The following GPHN variants were observed in gnomAD, a reference collection of about 807,000 sequenced individuals.
GPHN encodes the protein gephyrin.
A neutral mutation model predicts 95.5 loss-of-function variants in GPHN; 17 were observed. The observed-to-expected ratio is 0.18, with a 90% CI of 0.12 to 0.27. The LOEUF (loss-of-function observed/expected upper bound fraction) is 0.27. Ranked by LOEUF, GPHN falls within the 10% of genes least tolerant of loss-of-function variation. The pLI, the probability that GPHN is intolerant of heterozygous loss-of-function variation, is 1.00. For synonymous variants in GPHN, 320 were observed against 322.5 expected (o/e 0.99, Z 0.08); for missense variants, 660 against 978.1 (o/e 0.67, Z 4.34).
At chr14:67,123,045 C>A (rs2079100504) in intron 17 of GPHN, among the ~76,000 whole-genome samples, 1 of 152,222 alleles carries the variant, frequency 6.6e-6, no homozygotes. Context: ...ACACTGCTGC[C>A]TGGCTGTCTT....
the GPHN span, chr14:67,279,496 G>A: frequency 2.5e-6 from 4 of 1,575,876 alleles, no homozygotes; most frequent in Non-Finnish European, 3.4e-6. Context: ...ACAGAGGAAG[G>A]AATTGTCTTA....
At chr14:66,715,036 A>G (rs749894184) in intron 2 of GPHN, among the ~76,000 whole-genome samples, 1 of 152,166 alleles carries the variant, frequency 6.6e-6, no homozygotes, top group African/African-American at 2.4e-5. Context: ...CTTGTGGAAT[A>G]GTATCAATAG....
the GPHN span, chr14:67,555,959 A>C: frequency 6.4e-7 from 1 of 1,559,746 alleles, no homozygotes. Flanking sequence ...CTTCCCACGG[A>C]CACAGGTGGA....
At chr14:67,033,049 C>A (rs1256088527) in intron 10 of GPHN, among the ~76,000 whole-genome samples, 1 of 151,800 alleles carries the variant, frequency 6.6e-6, no homozygotes, top group African/African-American at 2.4e-5. Context: ...AATGAATGGA[C>A]AAAATGAAGA....
chr14:67,345,993 T>C, the GPHN span: 88 of 667,312 alleles, frequency 1.3e-4, no homozygotes, highest in African/African-American at 1.4e-3. Flanking sequence ...TAATCTTCAT[T>C]GAATGTAAAC....
At chr14:67,075,192 C>G (rs1170668607) in intron 11 of GPHN, among the ~76,000 whole-genome samples, 1 of 152,130 alleles carries the variant, frequency 6.6e-6, no homozygotes, top group Non-Finnish European at 1.5e-5. Context: ...TTCTAAAAAT[C>G]CTAGTAGCTT....
chr14:66,519,418 C>T (rs192816269), intron 1 of GPHN, among the ~76,000 whole-genome samples: 4 of 152,076 alleles, frequency 2.6e-5, no homozygotes. Flanking sequence ...GGACCACTGG[C>T]CCTAACTAAC....
chr14:66,702,446 C>A (rs2068644498), intron 2 of GPHN, among the ~76,000 whole-genome samples: 2 of 152,164 alleles, frequency 1.3e-5, no homozygotes, highest in Admixed American at 1.3e-4. Context: ...AAGGAGCAGG[C>A]ACCCATCTTT....
At chr14:67,566,374 G>A in the GPHN span, among the ~76,000 whole-genome samples, 110 of 152,304 alleles carry the variant, frequency 7.2e-4, 1 homozygote, top group African/African-American at 2.5e-3. Flanking sequence ...GGCAAGGAAT[G>A]TGCAGCTGCT....
At chr14:67,177,775 A>C (rs1433874114) in intron 21 of GPHN, among the ~76,000 whole-genome samples, 2 of 152,132 alleles carry the variant, frequency 1.3e-5, no homozygotes, top group Admixed American at 6.5e-5. Flanking sequence ...TATTGGGTGC[A>C]TATATATTTA....
chr14:66,535,426 A>AT (rs1465283691), intron 1 of GPHN, among the ~76,000 whole-genome samples: 9 of 150,746 alleles, frequency 6.0e-5, no homozygotes, highest in South Asian at 4.2e-4. Flanking sequence ...CTTCTTCAAC[A>AT]TTTTTTTTTG....
At position 66,785,566 on chromosome 14, in the gene GPHN, A is replaced by G. The variant is rs56941575; in HGVS notation, c.201+9045A>G. ...TTGAAATATACAGAATGCTCCACCA[A>G]AAATTAAACAACACACATTTTTTTT... On this transcript the variant is annotated intron_variant, in intron 3 of 22. Transcript: ENST00000478722. Among the ~76,000 whole-genome samples the G allele has an allele frequency of 2.0e-4, 31 of 152,126 alleles. No homozygotes were observed. In the East Asian group the frequency reaches 5.8e-3, roughly 28 times the overall value.
chr14:67,409,775 C>T, the GPHN span, among the ~76,000 whole-genome samples: 430 of 152,364 alleles, frequency 2.8e-3, 1 homozygote, highest in African/African-American at 9.8e-3. Flanking sequence ...CCTGCCCCAC[C>T]TCTGAGCTCT....
the GPHN span, among the ~76,000 whole-genome samples, chr14:67,634,737 G>C: frequency 0.21 from 31,300 of 152,180 alleles, 3,995 homozygotes; most frequent in African/African-American, 0.36. Flanking sequence ...TAGACAGATG[G>C]TGCATTGTTA....
At chr14:67,671,185 T>C in the GPHN span, among the ~76,000 whole-genome samples, 1 of 152,332 alleles carries the variant, frequency 6.6e-6, no homozygotes, top group East Asian at 1.9e-4. Context: ...TATGTATATA[T>C]TTTCTTTACT....
chr14:66,752,683 G>A (rs1237633438), intron 2 of GPHN, among the ~76,000 whole-genome samples: 4 of 151,972 alleles, frequency 2.6e-5, no homozygotes, highest in African/African-American at 9.7e-5. Flanking sequence ...TAAATACTAC[G>A]AGAATTACTA....
At chr14:66,665,473 T>C (rs972895891) in intron 1 of GPHN, among the ~76,000 whole-genome samples, 5 of 152,220 alleles carry the variant, frequency 3.3e-5, no homozygotes, top group African/African-American at 1.2e-4. Flanking sequence ...AGAAGACATT[T>C]ATGCAGCCAA....
chr14:67,540,397 C>A, the GPHN span, among the ~76,000 whole-genome samples: 94,284 of 151,866 alleles, frequency 0.62, 29,586 homozygotes, highest in Non-Finnish European at 0.66. Context: ...AGATTGAGGC[C>A]GGTGGATCAC....
chr14:67,215,434 C>T, the GPHN span, among the ~76,000 whole-genome samples: 9 of 151,250 alleles, frequency 6.0e-5, no homozygotes, highest in East Asian at 1.6e-3. Context: ...AACCACTGAG[C>T]TATTTCAGTG....
Sources: gnomAD v4.1 joint callset for allele counts (sites outside exome capture counted in the v4.1 genomes callset) on GRCh38, gnomAD v4.1.1 for gene constraint, MANE v1.5 for transcripts, NCBI Gene and HGNC (gene_info 2026-07-23, HGNC 2026-07-21) for gene names.